The following ZNF385D variants were observed in gnomAD, a reference collection of about 807,000 sequenced individuals.
ZNF385D encodes the protein zinc finger protein 659.
ZNF385D carries 15 observed loss-of-function variants against 35.8 expected under a neutral mutation model. The observed-to-expected ratio is 0.42, with a 90% confidence interval of 0.28 to 0.64. The LOEUF is 0.64. Ranked by LOEUF, ZNF385D falls within the 30% of genes least tolerant of loss-of-function variation. ZNF385D has a pLI of 0.23. For synonymous variants in ZNF385D, 212 were observed against 186.8 expected (o/e 1.13, Z -1.10); for missense variants, 474 against 494.6 (o/e 0.96, Z 0.39).
chr3:22,030,424 G>A (rs1044496412), intron 3 of ZNF385D, among the ~76,000 whole-genome samples: 13 of 150,294 alleles, frequency 8.6e-5, no homozygotes, highest in African/African-American at 3.2e-4. Context: ...GGATAAGCAA[G>A]TAACTTTTTT....
At chr3:21,900,362 G>A (rs868832920) in intron 3 of ZNF385D, among the ~76,000 whole-genome samples, 2 of 152,040 alleles carry the variant, frequency 1.3e-5, no homozygotes, top group African/African-American at 4.8e-5. Context: ...TCAGATCAAT[G>A]GAAGAAAGCA....
intron 3 of ZNF385D, among the ~76,000 whole-genome samples, chr3:21,825,186 G>C (rs1487477925): frequency 6.6e-6 from 1 of 152,096 alleles, no homozygotes; most frequent in African/African-American, 2.4e-5. Context: ...AAAAAATTCT[G>C]ATTATTTTTT....
intron 4 of ZNF385D, among the ~76,000 whole-genome samples, chr3:21,500,331 T>C (rs1296603701): frequency 6.6e-6 from 1 of 152,112 alleles, no homozygotes; most frequent in African/African-American, 2.4e-5. Flanking sequence ...ATTTGCTAGG[T>C]TTAATGTAAA....
At chr3:21,455,484 G>A (rs903068929) in intron 4 of ZNF385D, among the ~76,000 whole-genome samples, 1 of 152,184 alleles carries the variant, frequency 6.6e-6, no homozygotes, top group African/African-American at 2.4e-5. Flanking sequence ...AAGCAATGGG[G>A]AAAGGATTCC....
intron 3 of ZNF385D, among the ~76,000 whole-genome samples, chr3:21,517,905 A>G (rs2125491557): frequency 6.6e-6 from 1 of 152,320 alleles, no homozygotes; most frequent in Admixed American, 6.5e-5. Flanking sequence ...TCCCCAGACC[A>G]GCAATCTTAA....
At chr3:21,843,613 T>G (rs1559681830) in intron 3 of ZNF385D, among the ~76,000 whole-genome samples, 1 of 151,960 alleles carries the variant, frequency 6.6e-6, no homozygotes, top group South Asian at 2.1e-4. Flanking sequence ...GATACTGTAC[T>G]AGGCACTTCA....
At chr3:21,799,138 C>A (rs2072284926) in intron 3 of ZNF385D, among the ~76,000 whole-genome samples, 1 of 152,168 alleles carries the variant, frequency 6.6e-6, no homozygotes, top group Non-Finnish European at 1.5e-5. Context: ...GATTTTCATT[C>A]ATTTTTGTGG....
chr3:21,979,471 G>C (rs1415732837), intron 3 of ZNF385D, among the ~76,000 whole-genome samples: 1 of 152,130 alleles, frequency 6.6e-6, no homozygotes, highest in Non-Finnish European at 1.5e-5. Flanking sequence ...CAGTTACGCT[G>C]GCTCACAATA....
At chr3:21,977,099 G>A (rs6802756) in intron 3 of ZNF385D, among the ~76,000 whole-genome samples, 2 of 152,164 alleles carry the variant, frequency 1.3e-5, no homozygotes, top group Non-Finnish European at 2.9e-5. Context: ...GTTGCATGAT[G>A]CCATTTAAAT....
intron 3 of ZNF385D, among the ~76,000 whole-genome samples, chr3:22,061,809 G>T (rs114302177): frequency 1.3e-5 from 2 of 152,028 alleles, no homozygotes; most frequent in Non-Finnish European, 2.9e-5. Flanking sequence ...GATTCATAGC[G>T]CTCATCACAA....
intron 2 of ZNF385D, among the ~76,000 whole-genome samples, chr3:22,175,961 A>C (rs1216356739): frequency 6.6e-6 from 1 of 150,380 alleles, no homozygotes; most frequent in African/African-American, 2.4e-5. Context: ...CATTTGAGAA[A>C]ATTATAGTGG....
At chr3:21,522,109 A>G (rs914849371) in intron 3 of ZNF385D, among the ~76,000 whole-genome samples, 13 of 152,190 alleles carry the variant, frequency 8.5e-5, no homozygotes, top group Non-Finnish European at 1.8e-4. Flanking sequence ...ATTGTGAATA[A>G]ACTGTGCTTT....
At chr3:21,954,534 C>T (rs551656434) in intron 3 of ZNF385D, among the ~76,000 whole-genome samples, 13 of 152,002 alleles carry the variant, frequency 8.6e-5, no homozygotes, top group East Asian at 1.9e-4. Flanking sequence ...AATATTTACA[C>T]GGGACCCCTA....
chr3:21,886,356 T>C (rs891632965), intron 3 of ZNF385D, among the ~76,000 whole-genome samples: 7 of 72,732 alleles, frequency 9.6e-5, no homozygotes, highest in Non-Finnish European at 1.3e-4. Flanking sequence ...CTGGCTGTGA[T>C]TAATGAGGAA....
intron 4 of ZNF385D, among the ~76,000 whole-genome samples, chr3:21,448,466 G>T (rs1397274812): frequency 6.6e-6 from 1 of 152,054 alleles, no homozygotes; most frequent in Non-Finnish European, 1.5e-5. Flanking sequence ...TTTCTTGATA[G>T]AATTTCTCTC....
chr3:22,087,720 C>T (rs1484821367), intron 3 of ZNF385D, among the ~76,000 whole-genome samples: 1 of 151,992 alleles, frequency 6.6e-6, no homozygotes, highest in African/African-American at 2.4e-5. Context: ...GGTTTTGTTA[C>T]TTGAAGTCAA....
chr3:21,417,044 A>C lies in ZNF385D; in HGVS notation c.*4170T>G, dbSNP rs1450119756. On this transcript the variant is annotated 3_prime_UTR_variant, in exon 8 of 8. Transcript: ENST00000281523. Reference sequence around the variant, plus strand: ...ATAAGTGAGTACTAAGTGAATTAGCAACTACTCCAATATTGGTGAAATGTA... The same window carrying C: ...ATAAGTGAGTACTAAGTGAATTAGCCACTACTCCAATATTGGTGAAATGTA... 1 of 152,092 alleles carries C rather than the reference A, an allele frequency of 6.6e-6. No individual in the cohort carries two copies. The highest frequency in any genetic ancestry group is 6.6e-5 in the Admixed American group (1 of 15,254). The allele number at this position is 152,092 out of a possible 1,614,324, so 9.4% of individuals were successfully genotyped here.
rs563698717 is a variant in ZNF385D at position 22,066,076 on chromosome 3, T to G, written c.325+102741A>C. On this transcript the variant is annotated intron_variant, in intron 3 of 5. Coordinates refer to the ZNF385D transcript ENST00000494108. ...GAGCTGTTGTATCTTCCAGAGATGT[T>G]GTCAATGAGCAGGGAAAGGGGAGCC... Among the ~76,000 whole-genome samples, 17 of 152,232 alleles carry G rather than the reference T, an allele frequency of 1.1e-4. No homozygotes were observed. The East Asian group carries it at 3.3e-3, about 29-fold the overall frequency.
chr3:21,713,946 C>T (rs1001074664), intron 1 of ZNF385D, among the ~76,000 whole-genome samples: 26 of 152,278 alleles, frequency 1.7e-4, no homozygotes, highest in Middle Eastern at 3.4e-3. Flanking sequence ...ACCACCTTTT[C>T]AGCCCTTTAC....
Sources: gnomAD v4.1 joint callset for allele counts (sites outside exome capture counted in the v4.1 genomes callset) on GRCh38, gnomAD v4.1.1 for gene constraint, MANE v1.5 for transcripts, NCBI Gene and HGNC (gene_info 2026-07-23, HGNC 2026-07-21) for gene names.